The following CMC1 variants were observed in gnomAD, a reference collection of about 807,000 sequenced individuals.
CMC1 encodes COX assembly mitochondrial protein homolog.
A neutral mutation model predicts 14.1 loss-of-function variants in CMC1; 14 were observed. The observed-to-expected ratio is 0.99, with a 90% confidence interval of 0.66 to 1.55. The LOEUF is 1.55. Among genes scored for constraint, CMC1 ranks in the 40% most tolerant of loss-of-function variants. The pLI, the probability that CMC1 is intolerant of heterozygous loss-of-function variation, is 0.00. For synonymous variants in CMC1, 50 were observed against 38.4 expected, an observed-to-expected ratio of 1.30 and a Z score of -1.12; for missense variants, 127 against 123.8, an observed-to-expected ratio of 1.03 and a Z score of -0.12.
chr3:28,262,464 C>G (rs1040425123), intron 1 of CMC1, among the ~76,000 whole-genome samples: 1 of 152,098 alleles, frequency 6.6e-6, no homozygotes, highest in Non-Finnish European at 1.5e-5. Context: ...CCATTTGGCT[C>G]CTACTGAGTC....
intron 2 of CMC1, among the ~76,000 whole-genome samples, chr3:28,313,651 G>A (rs1702750464): frequency 6.6e-6 from 1 of 152,194 alleles, no homozygotes; most frequent in African/African-American, 2.4e-5. Flanking sequence ...CTTCAGGTCA[G>A]TCATATTTAC....
intron 2 of CMC1, among the ~76,000 whole-genome samples, chr3:28,287,400 T>A (rs1701240886): frequency 2.0e-5 from 3 of 152,194 alleles, no homozygotes; most frequent in Admixed American, 2.0e-4. Flanking sequence ...GGAATCTTTC[T>A]CTGGTGCAAA....
rs192794035 is a variant in CMC1, at chr3:28,251,708, A to T, written c.19+9896A>T. Among the ~76,000 whole-genome samples, 575 of 152,350 alleles carry T rather than the reference A, an allele frequency of 3.8e-3. 8 individuals are homozygous for T. The highest frequency in any genetic ancestry group is 0.013 in the African/African-American group (546 of 41,582). ...ATTATCAAAGTATTATATTTTCTTT[A>T]TAGGAATTCTATGAAATATTGTAAG... On this transcript the variant is annotated intron_variant, in intron 1 of 3. Coordinates refer to ENST00000466830, the MANE Select transcript of CMC1 (RefSeq NM_182523.2).
intron 1 of CMC1, chr3:28,253,779 A>G: frequency 1.6e-6 from 2 of 1,259,258 alleles, no homozygotes; most frequent in Non-Finnish European, 2.1e-6. Flanking sequence ...AGTGTTAACT[A>G]GTAAATTTTT....
intron 2 of CMC1, among the ~76,000 whole-genome samples, chr3:28,305,298 G>A (rs1454642369): frequency 6.6e-6 from 1 of 152,072 alleles, no homozygotes; most frequent in Non-Finnish European, 1.5e-5. Context: ...TGATATATAT[G>A]TACCACATTT....
chr3:28,278,802 A>G (rs556162745), intron 2 of CMC1, among the ~76,000 whole-genome samples: 1 of 152,286 alleles, frequency 6.6e-6, no homozygotes, highest in African/African-American at 2.4e-5. Flanking sequence ...TTTATTCCCA[A>G]CCTAGTGTGT....
intron 1 of CMC1, among the ~76,000 whole-genome samples, chr3:28,246,512 A>G (rs1698837911): frequency 1.3e-5 from 2 of 152,022 alleles, no homozygotes; most frequent in South Asian, 4.1e-4. Flanking sequence ...GACAAACAGA[A>G]CTCTCCTTAT....
At chr3:28,309,889 T>TTGC (rs1217152295) in intron 2 of CMC1, among the ~76,000 whole-genome samples, 2 of 137,968 alleles carry the variant, frequency 1.4e-5, no homozygotes, top group Non-Finnish European at 3.1e-5. Context: ...CATTTTAACA[T>TTGC]TGCCTGCTGG....
At chr3:28,260,325 C>T (rs1466275626) in intron 1 of CMC1, among the ~76,000 whole-genome samples, 1 of 151,912 alleles carries the variant, frequency 6.6e-6, no homozygotes, top group Non-Finnish European at 1.5e-5. Context: ...CTTTTAGTAT[C>T]AAGGTATCTG....
At chr3:28,300,481 A>T (rs1701967998) in intron 2 of CMC1, among the ~76,000 whole-genome samples, 1 of 152,074 alleles carries the variant, frequency 6.6e-6, no homozygotes, top group African/African-American at 2.4e-5. Flanking sequence ...TGGCCTGCTT[A>T]GGAAAAAATG....
intron 2 of CMC1, among the ~76,000 whole-genome samples, chr3:28,288,208 CTT>C (rs1701292528): frequency 1.3e-5 from 2 of 151,770 alleles, no homozygotes; most frequent in Non-Finnish European, 1.5e-5. Context: ...TGTTATATGT[CTT>C]TATTTTATTA....
intron 2 of CMC1, among the ~76,000 whole-genome samples, chr3:28,264,264 C>T (rs1163034035): frequency 6.6e-6 from 1 of 152,134 alleles, no homozygotes; most frequent in Non-Finnish European, 1.5e-5. Flanking sequence ...ACTTCCACTG[C>T]AAGCTTCACT....
chr3:28,264,609 C>T (rs1417709386), intron 2 of CMC1, among the ~76,000 whole-genome samples: 16 of 152,148 alleles, frequency 1.1e-4, no homozygotes, highest in Non-Finnish European at 2.1e-4. Context: ...AACCTATTGA[C>T]ACCTGCAGGT....
In CMC1 at chr3:28,324,317, G is replaced by A. The variant is rs749360849; in HGVS notation, c.*4688G>A. Reference sequence around the variant, plus strand: ...AAAACCTTTACATCTCCTGGTAAAGGGGAAGATGTGGTATGACAAAGAGCT... The same window carrying A: ...AAAACCTTTACATCTCCTGGTAAAGAGGAAGATGTGGTATGACAAAGAGCT... On this transcript the variant is annotated 3_prime_UTR_variant, in exon 4 of 4. Transcript: ENST00000466830. The A allele has an allele frequency of 2.5e-6, 4 of 1,606,434 alleles. No homozygotes were observed. Among genetic ancestry groups the A allele is most frequent in the Non-Finnish European group, 2.6e-6 (3 of 1,175,254 alleles).
intron 2 of CMC1, among the ~76,000 whole-genome samples, chr3:28,299,399 G>A (rs1010064647): frequency 4.6e-5 from 7 of 152,230 alleles, no homozygotes; most frequent in Non-Finnish European, 1.0e-4. Flanking sequence ...TAGATATTCA[G>A]TGATGTTAAC....
chr3:28,262,707 C>G (rs1699794955), intron 1 of CMC1, among the ~76,000 whole-genome samples: 1 of 152,092 alleles, frequency 6.6e-6, no homozygotes, highest in Non-Finnish European at 1.5e-5. Flanking sequence ...TTTCAGGACT[C>G]TCTTAGCATT....
intron 2 of CMC1, among the ~76,000 whole-genome samples, chr3:28,303,218 TTAC>T (rs1046985573): frequency 6.6e-6 from 1 of 152,184 alleles, no homozygotes; most frequent in African/African-American, 2.4e-5. Flanking sequence ...TTTATTGCTA[TTAC>T]TACTGACATT....
chr3:28,300,415 C>T (rs535415408), intron 2 of CMC1, among the ~76,000 whole-genome samples: 6 of 152,218 alleles, frequency 3.9e-5, no homozygotes, highest in South Asian at 4.2e-4. Flanking sequence ...GGAATTCTCA[C>T]GAGATACAGT....
At chr3:28,294,716 G>A (rs528097049) in intron 2 of CMC1, among the ~76,000 whole-genome samples, 1 of 151,984 alleles carries the variant, frequency 6.6e-6, no homozygotes, top group Non-Finnish European at 1.5e-5. Flanking sequence ...TTAACTTGTG[G>A]TTCTTTATTT....
Sources: allele counts gnomAD v4.1 joint callset (sites outside exome capture counted in the v4.1 genomes callset), GRCh38; gene constraint gnomAD v4.1.1; transcripts MANE v1.5; gene names NCBI Gene and HGNC (gene_info 2026-07-23, HGNC 2026-07-21).